The following PIP4P2 variants were observed in gnomAD, a reference collection of about 807,000 sequenced individuals.
PIP4P2 encodes phosphatidylinositol-4,5-bisphosphate 4-phosphatase 2, also known as type 2 phosphatidylinositol 4,5-bisphosphate 4-phosphatase.
In PIP4P2, 19 loss-of-function variants were observed where a neutral mutation model predicts 33.3. The observed-to-expected ratio is 0.57, with a 90% CI of 0.40 to 0.84. The LOEUF (loss-of-function observed/expected upper bound fraction) is 0.84, where lower values mean the gene tolerates loss of function less well. PIP4P2 is among the 40% of genes least tolerant of loss of function. PIP4P2 has a pLI of 0.00. For synonymous variants in PIP4P2, 110 were observed against 111.9 expected, an observed-to-expected ratio of 0.98 and a Z score of 0.11; for missense variants, 270 against 324.7, an observed-to-expected ratio of 0.83 and a Z score of 1.29.
At chr8:91,036,830 C>A (rs979990171) in intron 1 of PIP4P2, among the ~76,000 whole-genome samples, 1 of 152,112 alleles carries the variant, frequency 6.6e-6, no homozygotes, top group African/African-American at 2.4e-5. Flanking sequence ...AAGTTGGCCA[C>A]ATGTGGTTGT....
intron 1 of PIP4P2, among the ~76,000 whole-genome samples, chr8:91,022,014 A>G (rs1226237036): frequency 2.0e-5 from 3 of 152,190 alleles, no homozygotes; most frequent in African/African-American, 7.2e-5. Context: ...CAAAACAAAA[A>G]TAAAGTAAAT....
At position 91,040,627 on chromosome 8, in the gene PIP4P2, A is replaced by C; in HGVS notation, c.106+17T>G. 1 of 1,613,448 alleles carries C rather than the reference A, an allele frequency of 6.2e-7. No homozygotes were observed. The highest frequency in any genetic ancestry group is 1.1e-5 in the South Asian group (1 of 91,044). The stretch of plus-strand genomic sequence containing the variant: ...ATCTACTTCCTTGCAAAGTAGAGGG[A>C]TCTACGCTGGCCTTACCTCTGGGGC... On this transcript the variant is annotated intron_variant, in intron 1 of 6. Coordinates refer to ENST00000285419, the MANE Select transcript of PIP4P2 (RefSeq NM_018710.3).
intron 1 of PIP4P2, among the ~76,000 whole-genome samples, chr8:91,027,605 T>A (rs1017098105): frequency 2.0e-5 from 3 of 152,006 alleles, no homozygotes; most frequent in Non-Finnish European, 4.4e-5. Flanking sequence ...GTGAAGTGGA[T>A]CCTAAGGGTG....
rs191964350 is a variant in PIP4P2 at position 91,005,919 on chromosome 8, A to G, written c.539+2824T>C. On this transcript the variant is annotated intron_variant, in intron 5 of 6. Coordinates refer to ENST00000285419, the MANE Select transcript of PIP4P2 (RefSeq NM_018710.3). Reference sequence around the variant, plus strand: ...CAAGCCACCTAATTAAAAGAACAACATCACCTTTAGCTACCATAGTACCAG... The same window carrying G: ...CAAGCCACCTAATTAAAAGAACAACGTCACCTTTAGCTACCATAGTACCAG... Among the ~76,000 whole-genome samples the G allele has an allele frequency of 7.4e-3, 1,127 of 152,326 alleles. 16 individuals are homozygous for G. Among genetic ancestry groups the G allele is most frequent in the South Asian group, 0.045 (217 of 4,834 alleles).
At chr8:91,021,036 T>G (rs1178397371) in intron 2 of PIP4P2, among the ~76,000 whole-genome samples, 2 of 152,210 alleles carry the variant, frequency 1.3e-5, no homozygotes, top group Middle Eastern at 3.2e-3. Context: ...CCAAAAGGCA[T>G]TATATTTAAA....
At chr8:91,040,596 T>A in intron 1 of PIP4P2, 48 bp downstream of exon 1, 1 of 1,606,588 alleles carries the variant, frequency 6.2e-7, no homozygotes, top group Non-Finnish European at 8.5e-7. Context: ...GGGCGTTTCC[T>A]TGCAAATCTA....
At position 91,022,684 on chromosome 8, in the gene PIP4P2, A is replaced by C. The variant is rs143319288; in HGVS notation, c.107-1280T>G. Among the ~76,000 whole-genome samples the C allele has an allele frequency of 6.1e-3, 933 of 152,342 alleles. 7 individuals are homozygous for C. Among genetic ancestry groups the C allele is most frequent in the Non-Finnish European group, 8.4e-3 (568 of 68,022 alleles). On this transcript the variant is annotated intron_variant, in intron 1 of 6. Transcript: ENST00000285419. ...ACTGTATTAGGTCCTAAACTTTGTG[A>C]TATTTTAAAAAGAATTAGAGCATAA...
chr8:90,996,631 TA>T, intron 6 of PIP4P2, 22 bp downstream of exon 6: 1 of 1,584,850 alleles, frequency 6.3e-7, no homozygotes, highest in Non-Finnish European at 8.6e-7. Flanking sequence ...GACAGAATTC[TA>T]ACATCAAAGT....
intron 4 of PIP4P2, among the ~76,000 whole-genome samples, chr8:91,016,381 G>C (rs567524321): frequency 6.6e-6 from 1 of 152,012 alleles, no homozygotes; most frequent in African/African-American, 2.4e-5. Flanking sequence ...CCCTCACGAA[G>C]ACATAGACTC....
rs191397497 is a variant in PIP4P2, at chr8:91,031,855, T to C, written c.106+8789A>G. Among the ~76,000 whole-genome samples the C allele has an allele frequency of 2.4e-3, 373 of 152,340 alleles. 1 individual carries two copies. The highest frequency in any genetic ancestry group is 6.1e-3 in the Admixed American group (94 of 15,294). On this transcript the variant is annotated intron_variant, in intron 1 of 6. Coordinates refer to ENST00000285419, the MANE Select transcript of PIP4P2 (RefSeq NM_018710.3). ...GGATAACAAGCATCTACATTTTAAA[T>C]TTATAGATATATTTTCCTAAGTGTG...
chr8:91,020,119 C>T, intron 3 of PIP4P2, 38 bp downstream of exon 3: 1 of 1,597,620 alleles, frequency 6.3e-7, no homozygotes, highest in Non-Finnish European at 8.6e-7. Context: ...GTTGAATGAA[C>T]AAATGAATGA....
intron 5 of PIP4P2, among the ~76,000 whole-genome samples, chr8:91,003,941 C>CCAACA (rs1388166974): frequency 7.1e-6 from 1 of 140,400 alleles, no homozygotes; most frequent in Non-Finnish European, 1.5e-5. Flanking sequence ...AAAGCCAGAA[C>CCAACA]CAACAGGAGA....
At chr8:91,036,014 G>GA (rs374476390) in intron 1 of PIP4P2, among the ~76,000 whole-genome samples, 139 of 144,862 alleles carry the variant, frequency 9.6e-4, no homozygotes, top group African/African-American at 2.3e-3. Context: ...CCTGTCTCAA[G>GA]AAAAAAAAAA....
chr8:91,021,879 T>A (rs1812013122), intron 1 of PIP4P2, among the ~76,000 whole-genome samples: 1 of 152,170 alleles, frequency 6.6e-6, no homozygotes, highest in Non-Finnish European at 1.5e-5. Flanking sequence ...ACCAGTATAA[T>A]GACTGCTGGC....
At chr8:91,030,456 T>A (rs1290488067) in intron 1 of PIP4P2, among the ~76,000 whole-genome samples, 3 of 152,190 alleles carry the variant, frequency 2.0e-5, no homozygotes, top group African/African-American at 7.2e-5. Context: ...AATGGCTTTG[T>A]TAACATGTTT....
intron 5 of PIP4P2, among the ~76,000 whole-genome samples, chr8:90,997,893 A>T (rs1586173117): frequency 6.6e-6 from 1 of 152,104 alleles, no homozygotes; most frequent in African/African-American, 2.4e-5. Context: ...TTAATTTCCA[A>T]ATCTTTTTGA....
chr8:91,019,418 AAAAAAAT>A lies in PIP4P2; in HGVS notation c.362+732_362+738del, dbSNP rs1388496365. On this transcript the variant is annotated intron_variant, in intron 3 of 6. Transcript: ENST00000285419. Reference sequence around the variant, plus strand: ...TACAAAAAAAAAAAAAAAAAAAAAAAAAAAAATATATTACCTGGGAGTGGTGGTGTGT... The same window carrying A: ...TACAAAAAAAAAAAAAAAAAAAAAAAATATTACCTGGGAGTGGTGGTGTGT... Among the ~76,000 whole-genome samples the A allele has an allele frequency of 4.8e-5, 7 of 146,314 alleles. 1 individual carries two copies. Among genetic ancestry groups the A allele is most frequent in the Non-Finnish European group, 7.5e-5 (5 of 66,248 alleles).
At chr8:91,033,776 G>GTTTATTTA (rs1198739649) in intron 1 of PIP4P2, among the ~76,000 whole-genome samples, 1 of 151,818 alleles carries the variant, frequency 6.6e-6, no homozygotes, top group Non-Finnish European at 1.5e-5. Context: ...CCTTGTTTTT[G>GTTTATTTA]TTTATTTATT....
intron 1 of PIP4P2, among the ~76,000 whole-genome samples, chr8:91,036,935 G>A (rs1027465771): frequency 6.6e-6 from 1 of 152,122 alleles, no homozygotes; most frequent in Non-Finnish European, 1.5e-5. Flanking sequence ...GGGCTGGTCA[G>A]GCATCTTTCT....
Sources: gnomAD v4.1 joint callset for allele counts (sites outside exome capture counted in the v4.1 genomes callset) on GRCh38, gnomAD v4.1.1 for gene constraint, MANE v1.5 for transcripts, NCBI Gene and HGNC (gene_info 2026-07-23, HGNC 2026-07-21) for gene names.